The following LDB2 variants were observed in gnomAD, a reference collection of about 807,000 sequenced individuals.
LDB2 encodes the protein LIM domain-binding protein 2.
In LDB2, 12 loss-of-function variants were observed where a neutral mutation model predicts 44.3. The observed-to-expected ratio is 0.27, with a 90% CI of 0.17 to 0.44. The LOEUF is 0.44. Ranked by LOEUF, LDB2 falls within the 20% of genes least tolerant of loss-of-function variation. The probability of loss-of-function intolerance (pLI) is 1.00; values close to 1 mark genes in which losing one functional copy is unlikely to be tolerated. For missense variants in LDB2, 344 were observed against 473.5 expected (o/e 0.73, Z 2.54); for synonymous variants, 164 against 174.8 (o/e 0.94, Z 0.49).
intron 1 of LDB2, among the ~76,000 whole-genome samples, chr4:16,792,940 T>A (rs952911534): frequency 6.6e-6 from 1 of 152,214 alleles, no homozygotes; most frequent in Non-Finnish European, 1.5e-5. Context: ...TGCTGTGTGA[T>A]GTTGAGCAAG....
intron 2 of LDB2, among the ~76,000 whole-genome samples, chr4:16,701,869 T>C (rs1578900090): frequency 6.6e-6 from 1 of 152,224 alleles, no homozygotes; most frequent in African/African-American, 2.4e-5. Flanking sequence ...AGACCAGATA[T>C]ATAATGACCA....
intron 2 of LDB2, among the ~76,000 whole-genome samples, chr4:16,656,530 C>A (rs918707084): frequency 6.6e-6 from 1 of 152,230 alleles, no homozygotes; most frequent in Non-Finnish European, 1.5e-5. Flanking sequence ...TTCATTTTAA[C>A]TCTTGTAAAG....
intron 1 of LDB2, among the ~76,000 whole-genome samples, chr4:16,778,175 A>T (rs1478488330): frequency 6.6e-6 from 1 of 152,198 alleles, no homozygotes; most frequent in Admixed American, 6.5e-5. Context: ...GAATGCTTTA[A>T]GGTCTGACAT....
intron 5 of LDB2, among the ~76,000 whole-genome samples, chr4:16,560,802 A>C (rs762843316): frequency 1.3e-5 from 2 of 152,228 alleles, no homozygotes; most frequent in Admixed American, 1.3e-4. Flanking sequence ...GACGAACATT[A>C]ATGCAAAAAG....
At chr4:16,843,586 T>A (rs551347943) in intron 1 of LDB2, among the ~76,000 whole-genome samples, 41 of 152,178 alleles carry the variant, frequency 2.7e-4, no homozygotes, top group African/African-American at 9.6e-4. Context: ...GGTGCCATTT[T>A]AAAAAAAATG....
Position 16,799,766 on chromosome 4 carries a change from G to C in LDB2, c.133-40506C>G, listed in dbSNP as rs930165700. On this transcript the variant is annotated intron_variant, in intron 1 of 7. Transcript: ENST00000304523. ...CTTGGCATATAGTTAGGGTTTACCA[G>C]ATGAAATACAGGATGCTCAGTTAAA... 4.6e-5 allele frequency among the ~76,000 whole-genome samples: 7 copies of C among 152,248 alleles called. No homozygotes were observed. The East Asian group carries it at 1.3e-3, about 29-fold the overall frequency.
intron 1 of LDB2, among the ~76,000 whole-genome samples, chr4:16,767,298 C>G (rs1040304354): frequency 6.6e-6 from 1 of 151,952 alleles, no homozygotes; most frequent in East Asian, 1.9e-4. Context: ...CCAACTTTGC[C>G]GATCATTCTT....
chr4:16,578,052 C>G (rs1010771360), intron 5 of LDB2, among the ~76,000 whole-genome samples: 9 of 152,044 alleles, frequency 5.9e-5, no homozygotes, highest in Admixed American at 5.9e-4. Flanking sequence ...TCACCATATA[C>G]AAAAATCAAA....
intron 5 of LDB2, among the ~76,000 whole-genome samples, chr4:16,529,699 T>G (rs935880638): frequency 1.3e-5 from 2 of 152,222 alleles, no homozygotes; most frequent in African/African-American, 4.8e-5. Flanking sequence ...TCTTCCATGC[T>G]TTGAGAGCAT....
Position 16,817,542 on chromosome 4 carries a change from CT to C in LDB2, c.133-58283del, listed in dbSNP as rs1473485151. On this transcript the variant is annotated intron_variant, in intron 1 of 7. Coordinates refer to ENST00000304523, the MANE Select transcript of LDB2 (RefSeq NM_001290.5). ...ACCTGGAATGTAGAGCAAAGCCCTG[CT>C]CACAATCCAACAGCAGTAAAACCCA... 3.3e-5 allele frequency among the ~76,000 whole-genome samples: 5 copies of C among 152,324 alleles called. No individual in the cohort carries two copies. The South Asian group carries it at 6.2e-4, about 19-fold the overall frequency.
intron 5 of LDB2, among the ~76,000 whole-genome samples, chr4:16,560,622 G>A (rs1577718188): frequency 1.3e-5 from 2 of 152,088 alleles, no homozygotes; most frequent in Non-Finnish European, 2.9e-5. Context: ...ATTCACAGCC[G>A]AATTCTACCA....
chr4:16,719,118 A>C (rs1290018102), intron 2 of LDB2, among the ~76,000 whole-genome samples: 2 of 152,158 alleles, frequency 1.3e-5, no homozygotes, highest in African/African-American at 4.8e-5. Flanking sequence ...TCAGTGGACA[A>C]ACTGCTGTTA....
chr4:16,577,329 T>TA (rs1229290146), intron 5 of LDB2, among the ~76,000 whole-genome samples: 1 of 152,114 alleles, frequency 6.6e-6, no homozygotes, highest in Non-Finnish European at 1.5e-5. Flanking sequence ...TGGAAAAACT[T>TA]AAAGACTCCA....
intron 5 of LDB2, among the ~76,000 whole-genome samples, chr4:16,561,557 G>T (rs1363913700): frequency 2.6e-5 from 4 of 152,032 alleles, no homozygotes; most frequent in African/African-American, 7.2e-5. Context: ...CACTGCTCAA[G>T]GCAATAAAAG....
At chr4:16,534,595 C>T (rs1731157936) in intron 5 of LDB2, among the ~76,000 whole-genome samples, 1 of 152,108 alleles carries the variant, frequency 6.6e-6, no homozygotes, top group African/African-American at 2.4e-5. Flanking sequence ...CTGCTTTTTC[C>T]GTATCTTTAC....
intron 1 of LDB2, among the ~76,000 whole-genome samples, chr4:16,795,920 G>A (rs1579741733): frequency 6.6e-6 from 1 of 152,160 alleles, no homozygotes; most frequent in East Asian, 1.9e-4. Flanking sequence ...AACCTTCTGA[G>A]GTGTGTTAAC....
intron 2 of LDB2, among the ~76,000 whole-genome samples, chr4:16,644,807 T>C (rs563065653): frequency 2.6e-5 from 4 of 152,300 alleles, no homozygotes; most frequent in East Asian, 3.9e-4. Flanking sequence ...CATTATCCTC[T>C]TCTATTAAAC....
At chr4:16,522,416 CTT>C (rs146118385) in intron 5 of LDB2, among the ~76,000 whole-genome samples, 14,539 of 152,082 alleles carry the variant, frequency 0.096, 904 homozygotes, top group South Asian at 0.14. Context: ...TATGTACAGA[CTT>C]TTTTTCTTGT....
chr4:16,839,739 A>G (rs1208044677), intron 1 of LDB2, among the ~76,000 whole-genome samples: 1 of 152,206 alleles, frequency 6.6e-6, no homozygotes, highest in Non-Finnish European at 1.5e-5. Flanking sequence ...TAAAAAAGAT[A>G]CTATTATTTA....
Sources: allele counts gnomAD v4.1 joint callset (sites outside exome capture counted in the v4.1 genomes callset), GRCh38; gene constraint gnomAD v4.1.1; transcripts MANE v1.5; gene names NCBI Gene and HGNC (gene_info 2026-07-23, HGNC 2026-07-21).